The following ATP8A2 variants were observed in gnomAD, a reference collection of about 807,000 sequenced individuals.
ATP8A2 encodes ATPase phospholipid transporting 8A2, also known as phospholipid-transporting ATPase IB.
Under a neutral mutation model 165.6 loss-of-function variants are expected in ATP8A2, and 100 were observed. That is an observed-to-expected ratio of 0.60 (90% CI 0.51 to 0.71). The LOEUF is 0.71. Among genes scored for constraint, ATP8A2 ranks in the 30% least tolerant of loss-of-function variants. The probability of loss-of-function intolerance (pLI) is 0.00; values close to 1 mark genes in which losing one functional copy is unlikely to be tolerated. For missense variants in ATP8A2, 1,227 were observed against 1,479.5 expected, an observed-to-expected ratio of 0.83 and a Z score of 2.80; for synonymous variants, 543 against 548.8, an observed-to-expected ratio of 0.99 and a Z score of 0.15.
chr13:25,668,845 A>G (rs1231057206), intron 24 of ATP8A2, among the ~76,000 whole-genome samples: 3 of 152,074 alleles, frequency 2.0e-5, no homozygotes, highest in African/African-American at 7.2e-5. Flanking sequence ...TGAATTTTTT[A>G]CTTCAGTTAA....
At chr13:25,605,565 C>T (rs61947467) in intron 24 of ATP8A2, among the ~76,000 whole-genome samples, 24,165 of 151,926 alleles carry the variant, frequency 0.16, 2,387 homozygotes, top group Non-Finnish European at 0.24. Context: ...ATACAATAAC[C>T]TTGTGTGTAT....
chr13:25,637,684 G>T (rs966465196), intron 24 of ATP8A2, among the ~76,000 whole-genome samples: 1 of 152,286 alleles, frequency 6.6e-6, no homozygotes, highest in African/African-American at 2.4e-5. Flanking sequence ...TCTGGGGGCA[G>T]GGCATAGCCA....
chr13:25,875,205 G>C (rs559862473), intron 33 of ATP8A2, among the ~76,000 whole-genome samples: 10 of 152,162 alleles, frequency 6.6e-5, no homozygotes, highest in African/African-American at 2.2e-4. Flanking sequence ...TAACCATACT[G>C]AACTTTCCTT....
intron 30 of ATP8A2, among the ~76,000 whole-genome samples, chr13:25,840,212 C>T (rs951158537): frequency 1.1e-4 from 17 of 152,068 alleles, no homozygotes; most frequent in African/African-American, 3.6e-4. Flanking sequence ...ACATCCAGAA[C>T]GTGGCCTCCT....
At chr13:25,659,239 CT>C (rs1271128149) in intron 24 of ATP8A2, among the ~76,000 whole-genome samples, 1 of 152,170 alleles carries the variant, frequency 6.6e-6, no homozygotes, top group African/African-American at 2.4e-5. Flanking sequence ...AGAAAAAGTT[CT>C]TTCTAAAAGC....
At chr13:25,834,044 G>C (rs1171359810) in intron 28 of ATP8A2, among the ~76,000 whole-genome samples, 1 of 152,210 alleles carries the variant, frequency 6.6e-6, no homozygotes, top group African/African-American at 2.4e-5. Flanking sequence ...ATGAAAACCT[G>C]CTCAAACTCA....
intron 35 of ATP8A2, among the ~76,000 whole-genome samples, chr13:25,996,051 C>T (rs1332638145): frequency 1.3e-5 from 2 of 152,116 alleles, no homozygotes; most frequent in South Asian, 2.1e-4. Flanking sequence ...CAGTAAGTTA[C>T]TTTGCTCTAA....
chr13:25,786,011 T>A (rs2045015690), intron 27 of ATP8A2, among the ~76,000 whole-genome samples: 1 of 152,228 alleles, frequency 6.6e-6, no homozygotes, highest in South Asian at 2.1e-4. Flanking sequence ...GATGTAGATT[T>A]TGACCCTCGG....
chr13:25,496,599 A>G (rs2036685872), intron 2 of ATP8A2, among the ~76,000 whole-genome samples: 1 of 152,202 alleles, frequency 6.6e-6, no homozygotes, highest in Admixed American at 6.5e-5. Flanking sequence ...CATGATGAGC[A>G]TAGTGCCCAG....
chr13:25,835,046 C>T (rs1951570567), intron 28 of ATP8A2, among the ~76,000 whole-genome samples: 1 of 151,702 alleles, frequency 6.6e-6, no homozygotes, highest in Non-Finnish European at 1.5e-5. Context: ...GCATGCTGGG[C>T]TTCATTATAG....
intron 27 of ATP8A2, among the ~76,000 whole-genome samples, chr13:25,788,496 C>T (rs1020539387): frequency 1.3e-5 from 2 of 152,162 alleles, no homozygotes; most frequent in Non-Finnish European, 2.9e-5. Flanking sequence ...GGTGTGCCCA[C>T]GTTTGCATGG....
At chr13:25,469,359 C>T (rs2035776612) in intron 2 of ATP8A2, among the ~76,000 whole-genome samples, 2 of 152,230 alleles carry the variant, frequency 1.3e-5, no homozygotes, top group African/African-American at 4.8e-5. Flanking sequence ...CCCAGCCTGC[C>T]TCTGAGCCCT....
intron 32 of ATP8A2, 65 bp from the exon 33 acceptor site, chr13:25,862,236 T>C: frequency 8.9e-7 from 1 of 1,127,780 alleles, no homozygotes; most frequent in Non-Finnish European, 1.3e-6. Context: ...CTGCAGCAAG[T>C]GGAGTTGGGG....
intron 33 of ATP8A2, among the ~76,000 whole-genome samples, chr13:25,919,731 G>C (rs548748239): frequency 2.0e-5 from 3 of 152,080 alleles, no homozygotes; most frequent in African/African-American, 7.2e-5. Context: ...AAGATTTTCT[G>C]TATCTTTCTT....
intron 2 of ATP8A2, among the ~76,000 whole-genome samples, chr13:25,486,492 T>TA (rs762401647): frequency 6.6e-6 from 1 of 152,206 alleles, no homozygotes; most frequent in Non-Finnish European, 1.5e-5. Flanking sequence ...ACTATTGTGT[T>TA]AAGGGACATG....
intron 33 of ATP8A2, among the ~76,000 whole-genome samples, chr13:25,877,897 C>T (rs1952860521): frequency 2.0e-5 from 3 of 152,198 alleles, no homozygotes; most frequent in South Asian, 4.1e-4. Flanking sequence ...TGCTGCATTT[C>T]CAGCGACTTC....
intron 2 of ATP8A2, among the ~76,000 whole-genome samples, chr13:25,490,120 G>A (rs1276557236): frequency 6.6e-6 from 1 of 152,220 alleles, no homozygotes; most frequent in African/African-American, 2.4e-5. Context: ...TAAGGGAAGT[G>A]TAGTAGAGAA....
chr13:25,573,473 T>C (rs1593561478), intron 18 of ATP8A2, among the ~76,000 whole-genome samples: 1 of 152,186 alleles, frequency 6.6e-6, no homozygotes, highest in East Asian at 1.9e-4. Context: ...ATAAAAAGAA[T>C]CCTACTCAAC....
At position 25,627,904 on chromosome 13, in the gene ATP8A2, A is replaced by G. The variant is rs145403189; in HGVS notation, c.2211+38205A>G. Among the ~76,000 whole-genome samples the G allele has an allele frequency of 2.5e-3, 378 of 152,322 alleles. 1 individual carries two copies. The highest frequency in any genetic ancestry group is 4.2e-3 in the Non-Finnish European group (283 of 68,020). On this transcript the variant is annotated intron_variant, in intron 24 of 36. Transcript: ENST00000381655. ...ATGCCAGCTCTCACCATCAAGGCTC[A>G]TAAGTGCTATGAGCCAGATGCAAGG...
Sources: allele counts gnomAD v4.1 joint callset (sites outside exome capture counted in the v4.1 genomes callset), GRCh38; gene constraint gnomAD v4.1.1; transcripts MANE v1.5; gene names NCBI Gene and HGNC (gene_info 2026-07-23, HGNC 2026-07-21).